The following MTURN variants were observed in gnomAD, a reference collection of about 807,000 sequenced individuals.
MTURN encodes maturin.
In MTURN, 7 loss-of-function variants were observed where a neutral mutation model predicts 14.9. That is an observed-to-expected ratio of 0.47 (90% CI 0.27 to 0.88). MTURN has a LOEUF of 0.88. MTURN is among the 40% of genes least tolerant of loss of function. The probability of loss-of-function intolerance (pLI) is 0.14; values close to 1 mark genes in which losing one functional copy is unlikely to be tolerated. For missense variants in MTURN, 151 were observed against 174.1 expected (o/e 0.87, Z 0.75); for synonymous variants, 69 against 72.5 (o/e 0.95, Z 0.25).
At chr7:30,145,711 G>A (rs1182692623) in intron 1 of MTURN, 1 of 1,014,616 alleles carries the variant, frequency 9.9e-7, no homozygotes, top group Non-Finnish European at 1.4e-6. Flanking sequence ...CCTACTCACA[G>A]GCCGATCTGG....
At chr7:30,141,570 C>T (rs1337233886) in intron 1 of MTURN, among the ~76,000 whole-genome samples, 1 of 152,106 alleles carries the variant, frequency 6.6e-6, no homozygotes, top group Non-Finnish European at 1.5e-5. Flanking sequence ...CTTGCTCACG[C>T]TGGAGTACAA....
At position 30,148,041 on chromosome 7, in the gene MTURN, G is replaced by T. The variant is rs74317674; in HGVS notation, c.285+1742G>T. Among the ~76,000 whole-genome samples, 1,219 of 152,342 alleles carry T rather than the reference G, an allele frequency of 8.0e-3. 14 individuals carry two copies. Among genetic ancestry groups the T allele is most frequent in the African/African-American group, 0.028 (1,161 of 41,580 alleles). ...TCTCACAGAGCCTGTGCTCCAGTGGGGGGAGACAGGATAGACAAGGACACA... is the reference window on the plus strand; with the variant it reads ...TCTCACAGAGCCTGTGCTCCAGTGGTGGGAGACAGGATAGACAAGGACACA... On this transcript the variant is annotated intron_variant, in intron 2 of 2. Coordinates refer to ENST00000324453, the MANE Select transcript of MTURN (RefSeq NM_152793.3).
intron 2 of MTURN, among the ~76,000 whole-genome samples, chr7:30,150,652 A>G (rs1797197392): frequency 1.3e-5 from 2 of 152,244 alleles, no homozygotes; most frequent in South Asian, 4.1e-4. Context: ...CAGTGTGAGC[A>G]GGCTCATTGA....
At chr7:30,154,491 G>A (rs7811101) in intron 2 of MTURN, among the ~76,000 whole-genome samples, 19,231 of 152,090 alleles carry the variant, frequency 0.13, 1,345 homozygotes, top group African/African-American at 0.17. Flanking sequence ...ATCACATCAC[G>A]TGTAGTTACA....
Position 30,158,173 on chromosome 7 carries a change from G to A in MTURN, c.*625G>A, listed in dbSNP as rs1048266846. On this transcript the variant is annotated 3_prime_UTR_variant, in exon 3 of 3. Coordinates refer to ENST00000324453, the MANE Select transcript of MTURN (RefSeq NM_152793.3). ...TACCTGGGTATGTAGCGACTGGTTCGTGGTTAGGTGTAAATGTTACTTGCT... is the reference window on the plus strand; with the variant it reads ...TACCTGGGTATGTAGCGACTGGTTCATGGTTAGGTGTAAATGTTACTTGCT... 1.3e-5 allele frequency: 2 copies of A among 152,256 alleles called. No individual in the cohort carries two copies. Among genetic ancestry groups the A allele is most frequent in the Non-Finnish European group, 2.9e-5 (2 of 68,042 alleles). The allele number at this position is 152,256 out of a possible 1,614,324, so 9.4% of individuals were successfully genotyped here.
chr7:30,146,137 G>T (rs376737863), intron 1 of MTURN, 40 bp from the exon 2 acceptor site: 3 of 1,612,866 alleles, frequency 1.9e-6, no homozygotes, highest in African/African-American at 2.7e-5. Context: ...TAGTGACTGT[G>T]TGTCTTTGTT....
chr7:30,151,491 A>G (rs1797211630), intron 2 of MTURN, among the ~76,000 whole-genome samples: 2 of 152,372 alleles, frequency 1.3e-5, no homozygotes, highest in Non-Finnish European at 2.9e-5. Context: ...TTTAGTGTCA[A>G]CTGACAGACT....
At chr7:30,145,831 C>T (rs994791230) in intron 1 of MTURN, 14 of 1,535,988 alleles carry the variant, frequency 9.1e-6, no homozygotes, top group South Asian at 1.2e-5. Flanking sequence ...TCTGGTTTCT[C>T]CTTCCCCATG....
chr7:30,145,797 G>A (rs1185890074), intron 1 of MTURN: 2 of 1,504,258 alleles, frequency 1.3e-6, no homozygotes, highest in Non-Finnish European at 8.9e-7. Context: ...TGAAAGCAAA[G>A]TTAAGGATTT....
intron 2 of MTURN, among the ~76,000 whole-genome samples, chr7:30,156,187 A>G (rs1047626501): frequency 3.3e-5 from 5 of 152,238 alleles, no homozygotes; most frequent in African/African-American, 7.2e-5. Flanking sequence ...GTTTCTAACC[A>G]AAGACCAGCC....
rs1036475727 is a variant in MTURN at position 30,158,160 on chromosome 7, T to C, written c.*612T>C. 6.6e-6 allele frequency: 1 copy of C among 152,278 alleles called. No homozygotes were observed. The highest frequency in any genetic ancestry group is 1.5e-5 in the Non-Finnish European group (1 of 68,040). The allele number at this position is 152,278 out of a possible 1,614,324, so 9.4% of individuals were successfully genotyped here. On this transcript the variant is annotated 3_prime_UTR_variant, in exon 3 of 3. Coordinates refer to ENST00000324453, the MANE Select transcript of MTURN (RefSeq NM_152793.3). ...GCCATTACTGAGTTACCTGGGTATG[T>C]AGCGACTGGTTCGTGGTTAGGTGTA...
intron 2 of MTURN, among the ~76,000 whole-genome samples, chr7:30,153,683 C>T (rs1233973117): frequency 1.3e-5 from 2 of 152,164 alleles, no homozygotes; most frequent in Non-Finnish European, 2.9e-5. Context: ...CTGCTTAAGA[C>T]AGTGCATTTG....
chr7:30,138,182 C>A (rs1452891193), intron 1 of MTURN, among the ~76,000 whole-genome samples: 1 of 152,054 alleles, frequency 6.6e-6, no homozygotes, highest in Non-Finnish European at 1.5e-5. Flanking sequence ...GTGGCGTAAT[C>A]TTGGCTCACT....
At chr7:30,137,599 G>A (rs763046740) in intron 1 of MTURN, 1 of 471,220 alleles carries the variant, frequency 2.1e-6, no homozygotes, top group South Asian at 1.5e-5. Flanking sequence ...TCCTTGGGTA[G>A]AATGGAACTT....
At chr7:30,136,523 G>A (rs1796964688) in intron 1 of MTURN, among the ~76,000 whole-genome samples, 1 of 152,180 alleles carries the variant, frequency 6.6e-6, no homozygotes, top group Non-Finnish European at 1.5e-5. Context: ...TCCTGCCGCC[G>A]AGCGCCCTGA....
chr7:30,154,396 G>A (rs1376647289), intron 2 of MTURN, among the ~76,000 whole-genome samples: 3 of 152,172 alleles, frequency 2.0e-5, no homozygotes, highest in Admixed American at 6.5e-5. Context: ...ATAGGCTCAC[G>A]TGTTTCTTAT....
intron 2 of MTURN, among the ~76,000 whole-genome samples, chr7:30,152,169 A>C (rs1259509075): frequency 7.1e-6 from 1 of 141,244 alleles, no homozygotes; most frequent in Non-Finnish European, 1.5e-5. Flanking sequence ...TTTTTTTCTC[A>C]TTCATGTTAT....
intron 2 of MTURN, among the ~76,000 whole-genome samples, chr7:30,148,350 TAGAG>T (rs1234684938): frequency 6.6e-6 from 1 of 152,108 alleles, no homozygotes; most frequent in Non-Finnish European, 1.5e-5. Context: ...CTGAAGGAAT[TAGAG>T]AGAGGTGAGC....
At chr7:30,155,841 T>A (rs1212401866) in intron 2 of MTURN, among the ~76,000 whole-genome samples, 6 of 152,226 alleles carry the variant, frequency 3.9e-5, no homozygotes, top group Non-Finnish European at 7.3e-5. Flanking sequence ...TGCTTTCTCT[T>A]TCCCCATTTC....
Sources: allele counts gnomAD v4.1 joint callset (sites outside exome capture counted in the v4.1 genomes callset), GRCh38; gene constraint gnomAD v4.1.1; transcripts MANE v1.5; gene names NCBI Gene and HGNC (gene_info 2026-07-23, HGNC 2026-07-21).